EPHA5: variants seen among roughly 807,000 people sequenced by gnomAD.
EPHA5 encodes the protein ephrin type-A receptor 5.
A neutral mutation model predicts 105.0 loss-of-function variants in EPHA5; 60 were observed. The ratio of observed to expected loss-of-function variants is 0.57; its 90% CI spans 0.46 to 0.71. The LOEUF (loss-of-function observed/expected upper bound fraction) is 0.71, where lower values mean the gene tolerates loss of function less well. Among genes scored for constraint, EPHA5 ranks in the 30% least tolerant of loss-of-function variants. EPHA5 has a pLI of 0.00. For missense variants in EPHA5, 1,218 were observed against 1,274.7 expected, an observed-to-expected ratio of 0.96 and a Z score of 0.68; for synonymous variants, 513 against 449.1, an observed-to-expected ratio of 1.14 and a Z score of -1.80.
chr4:65,562,977 T>TTAAA (rs1171200849), intron 3 of EPHA5, among the ~76,000 whole-genome samples: 3 of 151,744 alleles, frequency 2.0e-5, no homozygotes, highest in Admixed American at 6.6e-5. Context: ...ACCCAGTCTC[T>TTAAA]TAAATAAATA....
intron 3 of EPHA5, among the ~76,000 whole-genome samples, chr4:65,547,040 T>G (rs1737444910): frequency 6.6e-6 from 1 of 151,980 alleles, no homozygotes; most frequent in Non-Finnish European, 1.5e-5. Context: ...CAACCTTAAA[T>G]ATAGTGTTCA....
intron 5 of EPHA5, among the ~76,000 whole-genome samples, chr4:65,451,967 A>C (rs937145149): frequency 3.3e-5 from 5 of 152,192 alleles, no homozygotes; most frequent in African/African-American, 1.2e-4. Flanking sequence ...CAAAAAAGTC[A>C]TATTATCTTG....
intron 5 of EPHA5, among the ~76,000 whole-genome samples, chr4:65,427,004 A>G (rs1724501024): frequency 6.6e-6 from 1 of 152,120 alleles, no homozygotes; most frequent in South Asian, 2.1e-4. Flanking sequence ...GGAGCAAAGA[A>G]TAAATAAAGA....
intron 1 of EPHA5, among the ~76,000 whole-genome samples, chr4:65,667,695 G>T (rs1450585611): frequency 6.6e-6 from 1 of 152,072 alleles, no homozygotes; most frequent in Non-Finnish European, 1.5e-5. Flanking sequence ...CTTGGCTCTT[G>T]TTCCCATTCA....
chr4:65,561,894 T>C (rs572745697), intron 3 of EPHA5, among the ~76,000 whole-genome samples: 1 of 152,212 alleles, frequency 6.6e-6, no homozygotes, highest in Admixed American at 6.6e-5. Flanking sequence ...CAGCTCTCAA[T>C]ACAGAAGAAT....
At chr4:65,363,021 G>C (rs1408452522) in intron 11 of EPHA5, among the ~76,000 whole-genome samples, 2 of 151,586 alleles carry the variant, frequency 1.3e-5, no homozygotes, top group African/African-American at 4.8e-5. Flanking sequence ...AAAGTGGAAG[G>C]GATTGTTTCA....
chr4:65,632,535 C>CAAAA (rs35050180), intron 2 of EPHA5, among the ~76,000 whole-genome samples: 5,079 of 125,680 alleles, frequency 0.04, 254 homozygotes, highest in African/African-American at 0.12. Context: ...CAATTTTCAG[C>CAAAA]AAAAAAAAAA....
At chr4:65,467,425 A>C (rs1728825409) in intron 5 of EPHA5, among the ~76,000 whole-genome samples, 1 of 152,184 alleles carries the variant, frequency 6.6e-6, no homozygotes, top group Non-Finnish European at 1.5e-5. Flanking sequence ...CCACCATTTG[A>C]ATCTGAACTG....
rs1719717297 is a variant in EPHA5 at position 65,322,545 on chromosome 4, G to C, written c.*1569C>G. The C allele has an allele frequency of 4.5e-6, 1 of 224,596 alleles. No homozygotes were observed. The highest frequency in any genetic ancestry group is 5.7e-5 in the Admixed American group (1 of 17,398). 13.9% of individuals were successfully genotyped at this position (224,596 alleles called of 1,614,324 possible). ...AAAGTGTAATAATACAAAAATGTTG[G>C]TTATCTCAGGAGCTCAGTTTTGGAC... On this transcript the variant is annotated 3_prime_UTR_variant, in exon 17 of 17. Coordinates refer to ENST00000613740, the MANE Select transcript of EPHA5 (RefSeq NM_001281766.3).
chr4:65,515,384 T>A (rs2149268009), intron 3 of EPHA5, among the ~76,000 whole-genome samples: 1 of 152,256 alleles, frequency 6.6e-6, no homozygotes, highest in South Asian at 2.1e-4. Flanking sequence ...ACGAATGAAG[T>A]CTGTTAAAAT....
chr4:65,455,227 C>T (rs1245877151), intron 5 of EPHA5, among the ~76,000 whole-genome samples: 5 of 151,072 alleles, frequency 3.3e-5, no homozygotes, highest in South Asian at 2.1e-4. Context: ...AGAGAGACTC[C>T]GTCTCAAAAA....
At chr4:65,397,394 G>C (rs1721348233) in intron 8 of EPHA5, among the ~76,000 whole-genome samples, 1 of 152,054 alleles carries the variant, frequency 6.6e-6, no homozygotes, top group Admixed American at 6.6e-5. Context: ...GAGACCTCTT[G>C]CTTACTGTTC....
chr4:65,470,206 T>TTG (rs1729150744), intron 5 of EPHA5, among the ~76,000 whole-genome samples: 1 of 150,526 alleles, frequency 6.6e-6, no homozygotes, highest in African/African-American at 2.4e-5. Context: ...TTTTTTTTTT[T>TTG]TCTTGAGACA....
At chr4:65,435,153 T>C (rs1183837647) in intron 5 of EPHA5, among the ~76,000 whole-genome samples, 2 of 152,132 alleles carry the variant, frequency 1.3e-5, no homozygotes, top group Non-Finnish European at 2.9e-5. Context: ...AAACTATATA[T>C]ACACCCTGGG....
At chr4:65,358,783 G>T (rs915072535) in intron 11 of EPHA5, among the ~76,000 whole-genome samples, 5 of 151,460 alleles carry the variant, frequency 3.3e-5, no homozygotes, top group Non-Finnish European at 7.4e-5. Context: ...TCAAAAGCTT[G>T]TATACCTCAC....
rs1719815942 is a variant in EPHA5 at position 65,323,697 on chromosome 4, CTG to C, written c.*415_*416del. ...AAGACTTGAAGTAAACTTCAGTAAA[CTG>C]TAGCTTTTGTTAGCTCACAAATGGC... On this transcript the variant is annotated 3_prime_UTR_variant, in exon 17 of 17. Transcript: ENST00000613740. 1 of 230,752 alleles carries C rather than the reference CTG, an allele frequency of 4.3e-6. No homozygotes were observed. Among genetic ancestry groups the C allele is most frequent in the Non-Finnish European group, 8.6e-6 (1 of 116,602 alleles). The allele number at this position is 230,752 out of a possible 1,614,324, so 14.3% of individuals were successfully genotyped here.
intron 8 of EPHA5, among the ~76,000 whole-genome samples, chr4:65,368,790 C>T (rs961882771): frequency 1.3e-5 from 2 of 152,124 alleles, no homozygotes; most frequent in Non-Finnish European, 2.9e-5. Flanking sequence ...TCCAACTGTT[C>T]ATCTTCACAT....
chr4:65,622,717 T>C (rs547462751), intron 2 of EPHA5, among the ~76,000 whole-genome samples: 1 of 152,114 alleles, frequency 6.6e-6, no homozygotes, highest in Non-Finnish European at 1.5e-5. Flanking sequence ...ATTTTGTTTT[T>C]AAATCAATGG....
intron 5 of EPHA5, among the ~76,000 whole-genome samples, chr4:65,488,718 GA>G (rs374038203): frequency 7.2e-5 from 11 of 151,782 alleles, no homozygotes; most frequent in African/African-American, 2.2e-4. Context: ...TTTCTAATAG[GA>G]AAAAAAATGC....
Sources: gnomAD v4.1 joint callset for allele counts (sites outside exome capture counted in the v4.1 genomes callset) on GRCh38, gnomAD v4.1.1 for gene constraint, MANE v1.5 for transcripts, NCBI Gene and HGNC (gene_info 2026-07-23, HGNC 2026-07-21) for gene names.